Variants in ABLIM2 observed in about 807,000 individuals in gnomAD.
ABLIM2 encodes the protein actin binding LIM protein family member 2.
Under a neutral mutation model 97.7 loss-of-function variants are expected in ABLIM2, and 53 were observed. The observed-to-expected ratio is 0.54, with a 90% confidence interval of 0.44 to 0.68. The LOEUF (loss-of-function observed/expected upper bound fraction) is 0.68. ABLIM2 is among the 30% of genes least tolerant of loss of function. The pLI is 0.00. For missense variants in ABLIM2, 835 were observed against 867.2 expected (o/e 0.96, Z 0.47); for synonymous variants, 361 against 345.8 (o/e 1.04, Z -0.49).
chr4:7,986,249 T>C lies in ABLIM2; in HGVS notation c.1681-1356A>G, dbSNP rs1011794794. ...GGCAAAGTGTTTTCAACGCGAGCTT[T>C]GCAGTAGGAAATCAGTGAGGAGCTG... On this transcript the variant is annotated intron_variant, in intron 17 of 20. Transcript: ENST00000447017. The surrounding 1 kb of genome is among the most constrained non-coding windows in gnomAD (Gnocchi z 4.3). 6.6e-6 allele frequency among the ~76,000 whole-genome samples: 1 copy of C among 152,246 alleles called. No individual in the cohort carries two copies. The highest frequency in any genetic ancestry group is 1.9e-4 in the East Asian group (1 of 5,176).
intron 20 of ABLIM2, among the ~76,000 whole-genome samples, chr4:7,979,515 A>G (rs183147874): frequency 6.6e-6 from 1 of 152,220 alleles, no homozygotes; most frequent in Non-Finnish European, 1.5e-5. Flanking sequence ...TGATTATAGG[A>G]CCTGAGTCAT....
chr4:7,986,210 C>T lies in ABLIM2; in HGVS notation c.1681-1317G>A, dbSNP rs991117510. 3.9e-5 allele frequency among the ~76,000 whole-genome samples: 6 copies of T among 152,198 alleles called. No individual in the cohort carries two copies. Among genetic ancestry groups the T allele is most frequent in the Non-Finnish European group, 7.3e-5 (5 of 68,046 alleles). On this transcript the variant is annotated intron_variant, in intron 17 of 20. Transcript: ENST00000447017. The surrounding 1 kb of genome is among the most constrained non-coding windows in gnomAD (Gnocchi z 4.3). ...AGGAGAGACGGTATGCTCAGCCCAG[C>T]GGGTCTGTCACAGGGCAAAGTGTTT... is the stretch of plus-strand genomic sequence containing the variant.
chr4:8,060,746 G>C (rs1326881309), intron 7 of ABLIM2, among the ~76,000 whole-genome samples: 1 of 152,158 alleles, frequency 6.6e-6, no homozygotes, highest in African/African-American at 2.4e-5. Flanking sequence ...CTTTCTTGCT[G>C]GTCTCGGGCT....
chr4:8,074,607 G>A (rs999988994), intron 6 of ABLIM2, among the ~76,000 whole-genome samples: 1 of 152,200 alleles, frequency 6.6e-6, no homozygotes, highest in Non-Finnish European at 1.5e-5. Flanking sequence ...CACTAAAAAT[G>A]TTCCTAGTTT....
At chr4:8,040,472 A>G (rs1267245617) in intron 9 of ABLIM2, among the ~76,000 whole-genome samples, 1 of 152,136 alleles carries the variant, frequency 6.6e-6, no homozygotes, top group East Asian at 1.9e-4. Flanking sequence ...TTAGCCAGGC[A>G]TGGTGGTGGG....
chr4:8,105,594 G>A (rs2152743516), intron 2 of ABLIM2, among the ~76,000 whole-genome samples: 1 of 152,346 alleles, frequency 6.6e-6, no homozygotes, highest in East Asian at 1.9e-4. Context: ...GCGCACTAGG[G>A]TTCATCGAGG....
At chr4:8,078,999 G>A (rs1296940397) in intron 5 of ABLIM2, among the ~76,000 whole-genome samples, 1 of 152,246 alleles carries the variant, frequency 6.6e-6, no homozygotes, top group Non-Finnish European at 1.5e-5. Context: ...GGCTGTCATG[G>A]ATTAGACCCC....
intron 1 of ABLIM2, among the ~76,000 whole-genome samples, chr4:8,143,455 G>T (rs901283578): frequency 6.6e-6 from 1 of 152,088 alleles, no homozygotes; most frequent in African/African-American, 2.4e-5. Context: ...CTAAGGTCAG[G>T]GCACGGATGA....
chr4:8,016,820 C>A (rs867247568), intron 14 of ABLIM2, among the ~76,000 whole-genome samples: 10 of 152,210 alleles, frequency 6.6e-5, no homozygotes, highest in Non-Finnish European at 1.2e-4. Context: ...CCAGCTCCAG[C>A]CTCGAGCCTC....
chr4:8,026,129 T>G (rs1452253540), intron 12 of ABLIM2, among the ~76,000 whole-genome samples: 8 of 152,178 alleles, frequency 5.3e-5, no homozygotes, highest in African/African-American at 1.9e-4. Flanking sequence ...GCCTCAGCCT[T>G]CCGAGGAGTT....
chr4:8,112,454 T>C lies in ABLIM2; in HGVS notation c.11-5817A>G, dbSNP rs1840813877. ...AGCTCCACGTGCAAGGTCTGACAGGTGGCCGTGAACAGTAGCTGTTAGCTG... is the reference window on the plus strand; with the variant it reads ...AGCTCCACGTGCAAGGTCTGACAGGCGGCCGTGAACAGTAGCTGTTAGCTG... On this transcript the variant is annotated intron_variant, in intron 1 of 20. Coordinates refer to ENST00000447017, the MANE Select transcript of ABLIM2 (RefSeq NM_001130083.2). This position sits in a 1 kb window ranked among gnomAD's most constrained non-coding sequence, Gnocchi z 4.2. Among the ~76,000 whole-genome samples the C allele has an allele frequency of 6.6e-6, 1 of 152,234 alleles. No individual in the cohort carries two copies. The highest frequency in any genetic ancestry group is 2.1e-4 in the South Asian group (1 of 4,832).
At chr4:8,092,850 T>C (rs1358552808) in intron 3 of ABLIM2, among the ~76,000 whole-genome samples, 1 of 152,172 alleles carries the variant, frequency 6.6e-6, no homozygotes, top group African/African-American at 2.4e-5. Context: ...TTTGTCCATT[T>C]TTTTAAAAGT....
chr4:8,132,468 T>G lies in ABLIM2; in HGVS notation c.11-25831A>C, dbSNP rs1849567641. 6.6e-6 allele frequency among the ~76,000 whole-genome samples: 1 copy of G among 152,132 alleles called. No homozygotes were observed. Among genetic ancestry groups the G allele is most frequent in the South Asian group, 2.1e-4 (1 of 4,826 alleles). ...GAGGGATCTGAGACCATCCAGTCCC[T>G]GGAGAAGGACGCCCAGCCCTGGCCT... On this transcript the variant is annotated intron_variant, in intron 1 of 20. Transcript: ENST00000447017. This position sits in a 1 kb window ranked among gnomAD's most constrained non-coding sequence, Gnocchi z 8.0.
chr4:8,133,627 C>T (rs1207213800), intron 1 of ABLIM2, among the ~76,000 whole-genome samples: 1 of 152,212 alleles, frequency 6.6e-6, no homozygotes, highest in Non-Finnish European at 1.5e-5. Context: ...AGCTCCTCCC[C>T]GGGTCCCGCT....
Position 8,027,774 on chromosome 4 carries a change from T to A in ABLIM2, c.1252A>T (p.Ile418Phe). 1 of 1,592,758 alleles carries A rather than the reference T, an allele frequency of 6.3e-7. No homozygotes were observed. ...CGTGCCTTACCTCGGAAGTAGGGGATGTAATGATGTCTGAACACGGATGTA... is the reference window on the plus strand; with the variant it reads ...CGTGCCTTACCTCGGAAGTAGGGGAAGTAATGATGTCTGAACACGGATGTA... ...SPTSVFRHHY[I>F]PYFRGSESGR... The change falls in exon 12 of 21, where the codon ATC (isoleucine) becomes TTC (phenylalanine). Residue 418 changes from isoleucine (I) to phenylalanine (F), a missense_variant. Transcript: ENST00000447017.
At chr4:8,010,021 C>G (rs1289403281) in intron 14 of ABLIM2, among the ~76,000 whole-genome samples, 3 of 152,200 alleles carry the variant, frequency 2.0e-5, no homozygotes, top group African/African-American at 7.2e-5. Context: ...AGTTCTGCTA[C>G]TGGAAGACAT....
At chr4:8,091,023 T>C (rs1021240399) in intron 3 of ABLIM2, among the ~76,000 whole-genome samples, 17 of 151,646 alleles carry the variant, frequency 1.1e-4, no homozygotes, top group Non-Finnish European at 2.2e-4. Context: ...ATGCTAAGTG[T>C]GTGTTTAACT....
intron 6 of ABLIM2, among the ~76,000 whole-genome samples, chr4:8,070,647 C>G (rs879478942): frequency 1.1e-3 from 170 of 152,264 alleles, no homozygotes; most frequent in Non-Finnish European, 2.0e-3. Context: ...CTCGGCACCC[C>G]CTTTCCTGCC....
In ABLIM2 at chr4:8,005,070, T is replaced by A. The variant is rs887408893; in HGVS notation, c.1618+2989A>T. 6.6e-6 allele frequency among the ~76,000 whole-genome samples: 1 copy of A among 152,190 alleles called. No individual in the cohort carries two copies. The highest frequency in any genetic ancestry group is 2.4e-5 in the African/African-American group (1 of 41,452). On this transcript the variant is annotated intron_variant, in intron 16 of 20. Transcript: ENST00000447017. This position sits in a 1 kb window ranked among gnomAD's most constrained non-coding sequence, Gnocchi z 4.9. ...TCTGGTGGAGGGATGGATGAATGAC[T>A]GAATGATGAACTCAGTCCCGGGTGA...
Sources: allele counts gnomAD v4.1 joint callset (sites outside exome capture counted in the v4.1 genomes callset), GRCh38; gene constraint gnomAD v4.1.1; non-coding constraint Gnocchi (gnomAD v3.1); transcripts MANE v1.5; gene names NCBI Gene and HGNC (gene_info 2026-07-23, HGNC 2026-07-21).